The following PCDHA3 variants were observed in gnomAD, a reference collection of about 807,000 sequenced individuals.
The protein encoded by PCDHA3 is protocadherin alpha 3, also known as protocadherin alpha-3.
In PCDHA3, 41 loss-of-function variants were observed where a neutral mutation model predicts 62.2. That is an observed-to-expected ratio of 0.66 (90% CI 0.51 to 0.86). The LOEUF is 0.86. Among genes scored for constraint, PCDHA3 ranks in the 40% least tolerant of loss-of-function variants. The pLI, the probability that PCDHA3 is intolerant of heterozygous loss-of-function variation, is 0.00. For synonymous variants in PCDHA3, 640 were observed against 555.4 expected (o/e 1.15, Z -2.14); for missense variants, 1,304 against 1,241.2 (o/e 1.05, Z -0.76).
At chr5:140,842,204 A>T (rs2150331715) in intron 1 of PCDHA3, 1 of 1,613,676 alleles carries the variant, frequency 6.2e-7, no homozygotes, top group Non-Finnish European at 8.5e-7. Context: ...CCACTTTAGC[A>T]TAGATCGAAA....
intron 1 of PCDHA3, chr5:140,928,189 G>A (rs1563102575): frequency 2.5e-6 from 4 of 1,614,214 alleles, no homozygotes; most frequent in Non-Finnish European, 3.4e-6. Context: ...GACAATCACT[G>A]TGTCAGTTGC....
At chr5:140,846,919 T>C (rs1554141550) in intron 1 of PCDHA3, among the ~76,000 whole-genome samples, 1 of 149,698 alleles carries the variant, frequency 6.7e-6, no homozygotes, top group African/African-American at 2.4e-5. Context: ...CATTTCCTAT[T>C]TGAATTTTTG....
At chr5:140,830,028 G>T (rs2150179935) in intron 1 of PCDHA3, 1 of 1,613,878 alleles carries the variant, frequency 6.2e-7, no homozygotes. Flanking sequence ...CCGCGCCACC[G>T]GCTGCTGGTG....
Position 140,883,949 on chromosome 5 carries a change from A to C in PCDHA3, c.2394+80358A>C, listed in dbSNP as rs566235340. On this transcript the variant is annotated intron_variant, in intron 1 of 3. Transcript: ENST00000522353. ...GGTGTTCGTGCTGGACGAGAACGAC[A>C]ACGCTCCGGCGCTGCTGACGCCCGG... 178 of 1,613,356 alleles carry C rather than the reference A, an allele frequency of 1.1e-4. 5 individuals carry two copies. The South Asian group carries it at 1.9e-3, about 18-fold the overall frequency.
At chr5:140,842,485 C>G (rs2150337249) in intron 1 of PCDHA3, 1 of 1,613,908 alleles carries the variant, frequency 6.2e-7, no homozygotes, top group Non-Finnish European at 8.5e-7. Flanking sequence ...TGACCTGCTC[C>G]CTGATGCCCC....
intron 1 of PCDHA3, chr5:140,882,107 A>C: frequency 7.3e-7 from 1 of 1,367,220 alleles, no homozygotes; most frequent in Non-Finnish European, 9.8e-7. Flanking sequence ...TTCCGCGAAG[A>C]AAGCCGCCGT....
At chr5:140,887,101 CTT>C (rs200717289) in intron 1 of PCDHA3, among the ~76,000 whole-genome samples, 4 of 145,262 alleles carry the variant, frequency 2.8e-5, no homozygotes, top group African/African-American at 5.0e-5. Flanking sequence ...ATCTTTATCT[CTT>C]TTTTTTTTTT....
At chr5:140,835,948 C>T (rs2150248824) in intron 1 of PCDHA3, 2 of 1,612,794 alleles carry the variant, frequency 1.2e-6, no homozygotes, top group East Asian at 2.2e-5. Context: ...GCGCTGCAGC[C>T]GTTGGACCAC....
At chr5:140,809,005 G>C in intron 1 of PCDHA3, 2 of 1,613,694 alleles carry the variant, frequency 1.2e-6, no homozygotes. Flanking sequence ...ACAACGCGTG[G>C]CTTTCGTACG....
At chr5:140,826,144 C>A (rs1554130462) in intron 1 of PCDHA3, among the ~76,000 whole-genome samples, 1 of 152,076 alleles carries the variant, frequency 6.6e-6, no homozygotes, top group East Asian at 1.9e-4. Flanking sequence ...TTGAGGAAGT[C>A]CTAGAAATTG....
At chr5:140,938,218 T>A (rs1050033125) in intron 1 of PCDHA3, among the ~76,000 whole-genome samples, 3 of 152,210 alleles carry the variant, frequency 2.0e-5, no homozygotes, top group Admixed American at 2.0e-4. Context: ...AGTGCTGGGA[T>A]TACAGGCATA....
Position 141,012,065 on chromosome 5 carries a change from T to G in PCDHA3, c.*2128T>G, listed in dbSNP as rs2098422876. The G allele has an allele frequency of 6.5e-6, 1 of 153,794 alleles. No individual in the cohort carries two copies. Among genetic ancestry groups the G allele is most frequent in the Non-Finnish European group, 1.5e-5 (1 of 68,044 alleles). The allele number at this position is 153,794 out of a possible 1,614,324, so 9.5% of individuals were successfully genotyped here. A position where few individuals can be genotyped will look rare whatever the true frequency, so the allele number is the denominator to read the frequency against. ...GGGTAAAACTTGTTACCAACACATGTGAACCATTGCTACATTGTAGGTTGT... is the reference window on the plus strand; with the variant it reads ...GGGTAAAACTTGTTACCAACACATGGGAACCATTGCTACATTGTAGGTTGT... On this transcript the variant is annotated 3_prime_UTR_variant, in exon 4 of 4. Transcript: ENST00000522353.
At chr5:140,947,362 C>T (rs1378703066) in intron 1 of PCDHA3, among the ~76,000 whole-genome samples, 2 of 151,632 alleles carry the variant, frequency 1.3e-5, no homozygotes, top group Admixed American at 6.6e-5. Context: ...TATTTCACTC[C>T]TTTGATCTAT....
At chr5:140,894,710 G>A (rs1032103787) in intron 1 of PCDHA3, among the ~76,000 whole-genome samples, 1 of 151,116 alleles carries the variant, frequency 6.6e-6, no homozygotes, top group Non-Finnish European at 1.5e-5. Context: ...TGTTTAAGTT[G>A]TTTTCAAATA....
At chr5:140,868,032 C>T (rs1456286268) in intron 1 of PCDHA3, 1 of 152,026 alleles carries the variant, frequency 6.6e-6, no homozygotes, top group Non-Finnish European at 1.5e-5. Flanking sequence ...ATGTTGGTGA[C>T]TTGGAAATAC....
chr5:140,977,012 TTC>T (rs2096742095), intron 1 of PCDHA3, among the ~76,000 whole-genome samples: 1 of 152,220 alleles, frequency 6.6e-6, no homozygotes, highest in African/African-American at 2.4e-5. Context: ...GTAACTGTGA[TTC>T]TGTCAAATGA....
intron 1 of PCDHA3, among the ~76,000 whole-genome samples, chr5:140,957,285 G>A (rs1036077483): frequency 2.0e-5 from 3 of 152,144 alleles, no homozygotes; most frequent in Non-Finnish European, 4.4e-5. Context: ...CTTACCTGCA[G>A]TTTCACTCTG....
chr5:140,844,090 A>G (rs1779217749), intron 1 of PCDHA3, among the ~76,000 whole-genome samples: 1 of 149,658 alleles, frequency 6.7e-6, no homozygotes. Context: ...CTGAACTCTT[A>G]ATCTTACTCC....
At chr5:140,876,099 T>C (rs782428764) in intron 1 of PCDHA3, 7 of 1,613,954 alleles carry the variant, frequency 4.3e-6, no homozygotes, top group Middle Eastern at 1.6e-4. Context: ...CAAAACTCAA[T>C]TTATTGCTGA....
Sources: gnomAD v4.1 joint callset for allele counts (sites outside exome capture counted in the v4.1 genomes callset) on GRCh38, gnomAD v4.1.1 for gene constraint, MANE v1.5 for transcripts, NCBI Gene and HGNC (gene_info 2026-07-23, HGNC 2026-07-21) for gene names.